Variants in DLG1 observed in about 807,000 individuals in gnomAD.
DLG1 encodes discs large MAGUK scaffold protein 1, also known as disks large homolog 1.
DLG1 carries 42 observed loss-of-function variants against 123.4 expected under a neutral mutation model. The observed-to-expected ratio is 0.34, with a 90% CI of 0.27 to 0.44. The LOEUF is 0.44. Ranked by LOEUF, DLG1 falls within the 20% of genes least tolerant of loss-of-function variation. DLG1 has a pLI of 1.00. For synonymous variants in DLG1, 317 were observed against 356.2 expected (o/e 0.89, Z 1.24); for missense variants, 942 against 1,082.6 (o/e 0.87, Z 1.82).
intron 1 of DLG1, chr3:197,297,443 GAC>G (rs1778008115): frequency 7.2e-7 from 1 of 1,384,074 alleles, no homozygotes; most frequent in East Asian, 2.8e-5. Context: ...ATTAAGAACA[GAC>G]AGAAGTCGGC....
At chr3:197,065,545 A>T (rs918601774) in intron 21 of DLG1, 97 bp from the exon 22 acceptor site, 1 of 1,159,772 alleles carries the variant, frequency 8.6e-7, no homozygotes, top group African/African-American at 1.5e-5. Context: ...GTTCAACAGA[A>T]CAGATTAATT....
chr3:197,119,773 A>T (rs778263900), intron 11 of DLG1, among the ~76,000 whole-genome samples: 34 of 152,266 alleles, frequency 2.2e-4, no homozygotes, highest in Admixed American at 1.7e-3. Flanking sequence ...ATAAGCCACC[A>T]CACCCAGATT....
chr3:197,252,735 T>C lies in DLG1; in HGVS notation c.318+29944A>G, dbSNP rs184684040. Among the ~76,000 whole-genome samples the C allele has an allele frequency of 2.4e-4, 37 of 152,290 alleles. No homozygotes were observed. The East Asian group carries it at 6.6e-3, about 27-fold the overall frequency. ...TGTAAACTTAAAATGGTTAGGATAATTGTCCTCGTTTCAGTTTTACAAGAT... is the reference window on the plus strand; with the variant it reads ...TGTAAACTTAAAATGGTTAGGATAACTGTCCTCGTTTCAGTTTTACAAGAT... On this transcript the variant is annotated intron_variant, in intron 4 of 24. Transcript: ENST00000667157.
chr3:197,275,683 T>C (rs752765315), intron 4 of DLG1, among the ~76,000 whole-genome samples: 2 of 152,116 alleles, frequency 1.3e-5, no homozygotes, highest in African/African-American at 2.4e-5. Flanking sequence ...ATGTGGAAGC[T>C]AAAAAGCTGA....
rs1446593676 is a variant in DLG1 at position 197,117,668 on chromosome 3, G to A, written c.1287-1585C>T. 2.6e-5 allele frequency among the ~76,000 whole-genome samples: 4 copies of A among 152,286 alleles called. No homozygotes were observed. The East Asian group carries it at 7.7e-4, about 29-fold the overall frequency. On this transcript the variant is annotated intron_variant, in intron 12 of 24. Transcript: ENST00000667157. ...GTAGATTAAAGGTTACCAGGGGCTG[G>A]GAAGACAGTGGAAGGGAGAATTACT...
At chr3:197,145,799 T>C (rs1044851372) in intron 6 of DLG1, among the ~76,000 whole-genome samples, 13 of 124,750 alleles carry the variant, frequency 1.0e-4, no homozygotes, top group Non-Finnish European at 1.9e-4. Flanking sequence ...AGTACTTTAC[T>C]AAAAATACAA....
Position 197,204,806 on chromosome 3 carries a change from T to C in DLG1, c.319-10217A>G, listed in dbSNP as rs148673469. On this transcript the variant is annotated intron_variant, in intron 4 of 24. Transcript: ENST00000667157. ...GGTTATATGCAAATACTATGTCTTCTATGACTTGGGCATCAGCATCCACTG... is the reference window on the plus strand; with the variant it reads ...GGTTATATGCAAATACTATGTCTTCCATGACTTGGGCATCAGCATCCACTG... Among the ~76,000 whole-genome samples, 509 of 152,330 alleles carry C rather than the reference T, an allele frequency of 3.3e-3. 2 individuals are homozygous for C. The highest frequency in any genetic ancestry group is 6.2e-3 in the Non-Finnish European group (419 of 68,024).
intron 4 of DLG1, among the ~76,000 whole-genome samples, chr3:197,264,992 T>A (rs541043650): frequency 2.6e-5 from 4 of 152,196 alleles, no homozygotes; most frequent in African/African-American, 9.6e-5. Context: ...AAAGCTTGCA[T>A]AGATCTAATA....
chr3:197,147,519 C>A (rs1382632384), intron 6 of DLG1, among the ~76,000 whole-genome samples: 4 of 151,660 alleles, frequency 2.6e-5, no homozygotes, highest in African/African-American at 9.7e-5. Flanking sequence ...ATGGCATTTG[C>A]AGCAACCTGA....
intron 4 of DLG1, among the ~76,000 whole-genome samples, chr3:197,281,072 T>C (rs1436740964): frequency 1.3e-5 from 2 of 150,670 alleles, no homozygotes; most frequent in African/African-American, 4.9e-5. Flanking sequence ...CCAGTCTCGC[T>C]TGTTGCCCAG....
intron 4 of DLG1, among the ~76,000 whole-genome samples, chr3:197,221,573 C>T (rs554026675): frequency 6.6e-6 from 1 of 151,910 alleles, no homozygotes; most frequent in South Asian, 2.1e-4. Flanking sequence ...AGCAAACACT[C>T]AATAAAGCTA....
intron 3 of DLG1, among the ~76,000 whole-genome samples, chr3:197,293,689 A>G (rs1776018526): frequency 6.6e-6 from 1 of 152,192 alleles, no homozygotes; most frequent in East Asian, 1.9e-4. Flanking sequence ...GAATCAATCA[A>G]TAAATGATCA....
intron 11 of DLG1, among the ~76,000 whole-genome samples, chr3:197,129,669 T>C (rs1329815609): frequency 6.6e-6 from 1 of 152,218 alleles, no homozygotes; most frequent in East Asian, 1.9e-4. Flanking sequence ...GTTAAATCTT[T>C]TTGACATATA....
intron 5 of DLG1, among the ~76,000 whole-genome samples, chr3:197,185,916 G>A (rs879365667): frequency 6.6e-6 from 1 of 152,114 alleles, no homozygotes; most frequent in Non-Finnish European, 1.5e-5. Context: ...TCAATGGTAG[G>A]CTCTTAGTGT....
chr3:197,297,561 C>A (rs1249187587), intron 1 of DLG1: 3 of 1,061,792 alleles, frequency 2.8e-6, no homozygotes, highest in South Asian at 3.2e-5. Flanking sequence ...TGGGTACGGG[C>A]GGGTGAAGCG....
intron 20 of DLG1, among the ~76,000 whole-genome samples, 188 bp from the exon 21 acceptor site, chr3:197,065,997 T>C (rs1254250939): frequency 6.6e-6 from 1 of 152,208 alleles, no homozygotes; most frequent in African/African-American, 2.4e-5. Flanking sequence ...ATCTTAAACT[T>C]TACTTAGTCT....
At chr3:197,207,610 C>T (rs1729260364) in intron 4 of DLG1, among the ~76,000 whole-genome samples, 1 of 152,036 alleles carries the variant, frequency 6.6e-6, no homozygotes, top group Non-Finnish European at 1.5e-5. Context: ...CAATCTTCAA[C>T]AAATTTTAAA....
In DLG1 at chr3:197,282,831, A is replaced by T; in HGVS notation, c.166T>A (p.Tyr56Asn). The T allele has an allele frequency of 6.4e-7, 1 of 1,552,642 alleles. No homozygotes were observed. ...FQALIDIQEF[Y>N]EVTLLDNPKC... The stretch of plus-strand genomic sequence containing the variant: ...GGATTATCCAGTAAGGTCACTTCAT[A>T]AAATTCTTGAATATCTAGAAGAAGG... Residue 56 changes from tyrosine (Y) to asparagine (N), a missense_variant, in exon 4 of 25, where the codon TAT becomes AAT. Tyr to Asn is a moderately radical substitution (Grantham distance 143). Transcript: ENST00000667157.
chr3:197,105,045 C>T (rs763229428), intron 13 of DLG1, 40 bp from the exon 14 acceptor site: 3 of 1,334,358 alleles, frequency 2.2e-6, no homozygotes, highest in Non-Finnish European at 3.2e-6. Context: ...AGAAAAGAAT[C>T]ACTGTGATTA....
Sources: allele counts gnomAD v4.1 joint callset (sites outside exome capture counted in the v4.1 genomes callset), GRCh38; gene constraint gnomAD v4.1.1; transcripts MANE v1.5; gene names NCBI Gene and HGNC (gene_info 2026-07-23, HGNC 2026-07-21).